RANBP2: variants seen among roughly 807,000 people sequenced by gnomAD.
The protein encoded by RANBP2 is RAN binding protein 2.
Under a neutral mutation model 303.6 loss-of-function variants are expected in RANBP2, and 57 were observed. The observed-to-expected ratio is 0.19, with a 90% CI of 0.15 to 0.23. The LOEUF (loss-of-function observed/expected upper bound fraction) is 0.23. Among genes scored for constraint, RANBP2 ranks in the 10% least tolerant of loss-of-function variants. The pLI is 1.00. For synonymous variants in RANBP2, 1,167 were observed against 1,301.5 expected (o/e 0.90, Z 2.23); for missense variants, 3,138 against 3,780.8 (o/e 0.83, Z 4.46).
At chr2:109,557,545 C>T in the RANBP2 span, among the ~76,000 whole-genome samples, 2 of 152,182 alleles carry the variant, frequency 1.3e-5, no homozygotes, top group African/African-American at 4.8e-5. Context: ...AATCAGATTG[C>T]CCCAATGTGG....
the RANBP2 span, among the ~76,000 whole-genome samples, chr2:109,189,293 T>G: frequency 1.2e-4 from 18 of 151,970 alleles, no homozygotes; most frequent in Admixed American, 1.0e-3. Flanking sequence ...GCATTCTGAT[T>G]GTCAGGCTCC....
the RANBP2 span, among the ~76,000 whole-genome samples, chr2:109,362,398 T>C: frequency 2.0e-5 from 3 of 152,256 alleles, no homozygotes; most frequent in Non-Finnish European, 4.4e-5. Flanking sequence ...TATGGATGTC[T>C]AATTTAATGC....
chr2:109,258,371 C>T, the RANBP2 span, among the ~76,000 whole-genome samples: 25 of 152,260 alleles, frequency 1.6e-4, no homozygotes, highest in Admixed American at 1.6e-3. Flanking sequence ...GACCACAAAC[C>T]CTAGTGCAGC....
At chr2:109,523,696 C>T in the RANBP2 span, among the ~76,000 whole-genome samples, 1 of 152,302 alleles carries the variant, frequency 6.6e-6, no homozygotes, top group Non-Finnish European at 1.5e-5. Flanking sequence ...CACCCAAGCC[C>T]TATCTGCCCA....
chr2:109,297,498 C>A, the RANBP2 span, among the ~76,000 whole-genome samples: 1 of 151,962 alleles, frequency 6.6e-6, no homozygotes, highest in African/African-American at 2.4e-5. Flanking sequence ...CCCACCAGAC[C>A]AGTGCCTCCG....
At chr2:109,691,312 C>T in the RANBP2 span, among the ~76,000 whole-genome samples, 442 of 152,276 alleles carry the variant, frequency 2.9e-3, 2 homozygotes, top group African/African-American at 0.01. Flanking sequence ...ATAGTGGTCT[C>T]GGTCTAAACG....
At chr2:109,686,998 A>G in the RANBP2 span, among the ~76,000 whole-genome samples, 3 of 152,376 alleles carry the variant, frequency 2.0e-5, no homozygotes, top group Admixed American at 6.5e-5. Flanking sequence ...TGAACAGGAA[A>G]GAGCTTACAT....
chr2:108,794,690 A>G, the RANBP2 span: 3 of 1,613,532 alleles, frequency 1.9e-6, no homozygotes, highest in Middle Eastern at 1.6e-4. Context: ...CAGATATATG[A>G]CGAATTATTT....
the RANBP2 span, among the ~76,000 whole-genome samples, chr2:109,570,320 T>C: frequency 3.3e-5 from 5 of 152,274 alleles, no homozygotes; most frequent in African/African-American, 9.6e-5. Context: ...AAATAAGGTA[T>C]TGGTCAAAAG....
chr2:108,994,755 G>T, the RANBP2 span, among the ~76,000 whole-genome samples: 1 of 149,414 alleles, frequency 6.7e-6, no homozygotes, highest in East Asian at 2.0e-4. Context: ...GGAAGTATGG[G>T]TCCATAGTAT....
the RANBP2 span, among the ~76,000 whole-genome samples, chr2:109,095,810 T>C: frequency 6.6e-6 from 1 of 152,248 alleles, no homozygotes; most frequent in Non-Finnish European, 1.5e-5. Flanking sequence ...AAACTAGCCT[T>C]AGCATTAAAA....
At chr2:109,650,341 G>A in the RANBP2 span, among the ~76,000 whole-genome samples, 28 of 152,294 alleles carry the variant, frequency 1.8e-4, no homozygotes, top group African/African-American at 6.0e-4. Context: ...AGTCTCCCAA[G>A]GCAGAAAGAC....
the RANBP2 span, among the ~76,000 whole-genome samples, chr2:108,898,007 C>A: frequency 6.6e-6 from 1 of 152,092 alleles, no homozygotes; most frequent in Admixed American, 6.5e-5. Flanking sequence ...GTCCAAAAAT[C>A]TGGAAATAAT....
chr2:108,836,269 T>C, the RANBP2 span, among the ~76,000 whole-genome samples: 1 of 152,242 alleles, frequency 6.6e-6, no homozygotes, highest in Admixed American at 6.5e-5. Context: ...TTTGCCTTTT[T>C]GTGACTGGCT....
the RANBP2 span, among the ~76,000 whole-genome samples, chr2:109,133,722 A>ATT: frequency 6.2e-5 from 8 of 128,854 alleles, no homozygotes; most frequent in South Asian, 2.5e-4. Flanking sequence ...CCAAGGGACA[A>ATT]TTTTTTTTTT....
the RANBP2 span, among the ~76,000 whole-genome samples, chr2:109,382,420 ACCCACCTCCCTCAGCAG>A: frequency 1.3e-5 from 2 of 152,040 alleles, no homozygotes; most frequent in South Asian, 2.1e-4. Context: ...CCCACTGGCC[ACCCACCTCCCTCAGCAG>A]CCCACCTCCT....
At chr2:108,915,641 T>G in the RANBP2 span, among the ~76,000 whole-genome samples, 1 of 152,116 alleles carries the variant, frequency 6.6e-6, no homozygotes, top group African/African-American at 2.4e-5. Flanking sequence ...GGCTCATGCC[T>G]ATAATCCCAG....
chr2:109,452,186 C>T, the RANBP2 span, among the ~76,000 whole-genome samples: 7 of 152,244 alleles, frequency 4.6e-5, no homozygotes, highest in Admixed American at 4.6e-4. Flanking sequence ...TTTTAGTCCA[C>T]TGCTCAGAAG....
the RANBP2 span, among the ~76,000 whole-genome samples, chr2:109,531,528 C>T: frequency 3.3e-5 from 5 of 152,196 alleles, no homozygotes; most frequent in African/African-American, 7.2e-5. Flanking sequence ...GGATATGCAT[C>T]GTGGCCCTAA....
Sources: gnomAD v4.1 joint callset for allele counts (sites outside exome capture counted in the v4.1 genomes callset) on GRCh38, gnomAD v4.1.1 for gene constraint, MANE v1.5 for transcripts, NCBI Gene and HGNC (gene_info 2026-07-23, HGNC 2026-07-21) for gene names.